PDE10A: variants seen among roughly 807,000 people sequenced by gnomAD.
PDE10A encodes phosphodiesterase 10A.
PDE10A carries 39 observed loss-of-function variants against 97.7 expected under a neutral mutation model. That is an observed-to-expected ratio of 0.40 (90% CI 0.31 to 0.52). The LOEUF is 0.52. Among genes scored for constraint, PDE10A ranks in the 20% least tolerant of loss-of-function variants. The pLI, the probability that PDE10A is intolerant of heterozygous loss-of-function variation, is 0.56. For missense variants in PDE10A, 731 were observed against 1,047.8 expected (o/e 0.70, Z 4.17); for synonymous variants, 371 against 376.8 (o/e 0.98, Z 0.18).
At chr6:165,674,548 G>C (rs1314281827) in intron 1 of PDE10A, among the ~76,000 whole-genome samples, 1 of 152,138 alleles carries the variant, frequency 6.6e-6, no homozygotes, top group Non-Finnish European at 1.5e-5. Flanking sequence ...GCCCGCCAAC[G>C]ACTGGCTCCT....
intron 18 of PDE10A, among the ~76,000 whole-genome samples, chr6:165,344,118 C>T (rs894865321): frequency 2.6e-5 from 4 of 152,168 alleles, no homozygotes; most frequent in African/African-American, 9.7e-5. Context: ...AATGACTTTT[C>T]CCTTTTCAGC....
chr6:165,430,462 T>C, intron 8 of PDE10A, 117 bp from the exon 9 acceptor site: 1 of 601,418 alleles, frequency 1.7e-6, no homozygotes, highest in Non-Finnish European at 2.9e-6. Context: ...TCACTTGGGT[T>C]ATAATGTAAT....
chr6:165,947,877 A>G (rs1783824949), intron 1 of PDE10A, among the ~76,000 whole-genome samples: 1 of 152,070 alleles, frequency 6.6e-6, no homozygotes, highest in South Asian at 2.1e-4. Context: ...CCATCTCACC[A>G]ATTAAGTATG....
intron 1 of PDE10A, among the ~76,000 whole-genome samples, chr6:165,898,037 C>G (rs570841844): frequency 6.6e-6 from 1 of 151,624 alleles, no homozygotes; most frequent in South Asian, 2.1e-4. Flanking sequence ...AGCTGCCTCC[C>G]ACATCGTGGC....
At chr6:165,506,514 G>A (rs2128298296) in intron 2 of PDE10A, among the ~76,000 whole-genome samples, 1 of 152,180 alleles carries the variant, frequency 6.6e-6, no homozygotes, top group Admixed American at 6.5e-5. Context: ...AGTCATATTG[G>A]CTAAATAAGC....
At chr6:165,636,093 T>C (rs971289961) in intron 1 of PDE10A, among the ~76,000 whole-genome samples, 1 of 152,242 alleles carries the variant, frequency 6.6e-6, no homozygotes, top group East Asian at 1.9e-4. Context: ...CATAATTCTA[T>C]CTGTAAACAG....
At position 165,521,856 on chromosome 6, in the gene PDE10A, G is replaced by A. The variant is rs151034005; in HGVS notation, c.994+21584C>T. Among the ~76,000 whole-genome samples, 63 of 152,276 alleles carry A rather than the reference G, an allele frequency of 4.1e-4. 1 individual carries two copies. The highest frequency in any genetic ancestry group is 3.5e-3 in the East Asian group (18 of 5,178). Reference sequence around the variant, plus strand: ...AGATGATCTAGCAAAGATGATTCACGAAGGTAGCTACACCTGGTGCTTTCT... The same window carrying A: ...AGATGATCTAGCAAAGATGATTCACAAAGGTAGCTACACCTGGTGCTTTCT... On this transcript the variant is annotated intron_variant, in intron 2 of 21. Transcript: ENST00000539869.
chr6:165,980,265 G>T (rs1349258836), intron 1 of PDE10A, among the ~76,000 whole-genome samples: 2 of 152,196 alleles, frequency 1.3e-5, no homozygotes, highest in African/African-American at 2.4e-5. Flanking sequence ...ATTACAGCAG[G>T]TATGGACAAA....
intron 20 of PDE10A, 140 bp downstream of exon 20, chr6:165,339,138 A>C: frequency 1.4e-6 from 1 of 699,448 alleles, no homozygotes; most frequent in South Asian, 1.5e-5. Context: ...TGAAGTTTCT[A>C]TATTAATCAC....
At chr6:165,484,873 A>G (rs1378043417) in intron 2 of PDE10A, among the ~76,000 whole-genome samples, 1 of 152,026 alleles carries the variant, frequency 6.6e-6, no homozygotes, top group Non-Finnish European at 1.5e-5. Flanking sequence ...CACTTGTCTC[A>G]GTCACAGTTT....
chr6:165,670,835 A>AATGT (rs1486557528), intron 1 of PDE10A, among the ~76,000 whole-genome samples: 1 of 152,196 alleles, frequency 6.6e-6, no homozygotes, highest in Non-Finnish European at 1.5e-5. Flanking sequence ...AATGGATATA[A>AATGT]ATGTATTCAA....
At chr6:165,379,823 C>T (rs893464401) in intron 17 of PDE10A, among the ~76,000 whole-genome samples, 1 of 152,054 alleles carries the variant, frequency 6.6e-6, no homozygotes, top group East Asian at 1.9e-4. Flanking sequence ...TGTAACATAC[C>T]AAAACATGCT....
At chr6:165,629,650 C>T (rs1239004875) in intron 1 of PDE10A, among the ~76,000 whole-genome samples, 2 of 151,866 alleles carry the variant, frequency 1.3e-5, no homozygotes, top group Non-Finnish European at 2.9e-5. Context: ...CTTCCCACCC[C>T]AGCCTCCCGA....
At chr6:165,972,046 G>T (rs1784691255) in intron 1 of PDE10A, among the ~76,000 whole-genome samples, 1 of 152,062 alleles carries the variant, frequency 6.6e-6, no homozygotes, top group Admixed American at 6.5e-5. Flanking sequence ...GGGTGTGAGG[G>T]GGTGAAAGAA....
chr6:165,587,338 T>C (rs1470305575), intron 1 of PDE10A, among the ~76,000 whole-genome samples: 1 of 152,158 alleles, frequency 6.6e-6, no homozygotes, highest in Non-Finnish European at 1.5e-5. Flanking sequence ...GAAAGTTACG[T>C]ACCAAAACCC....
At chr6:165,690,049 G>C in intron 1 of PDE10A, among the ~76,000 whole-genome samples, 1 of 152,046 alleles carries the variant, frequency 6.6e-6, no homozygotes, top group Non-Finnish European at 1.5e-5. Context: ...GTTAACTATA[G>C]AATATCGAGT....
rs146410433 is a variant in PDE10A at position 165,393,990 on chromosome 6, G to T, written c.2303+1191C>A. 4.6e-3 allele frequency among the ~76,000 whole-genome samples: 699 copies of T among 152,118 alleles called. 4 individuals carry two copies. The highest frequency in any genetic ancestry group is 0.016 in the African/African-American group (660 of 41,502). On this transcript the variant is annotated intron_variant, in intron 15 of 21. Transcript: ENST00000539869. Reference sequence around the variant, plus strand: ...TGAATAAGAAGACATGTTTCTTTTCGATCTATTCTAATAGATATATGATGT... The same window carrying T: ...TGAATAAGAAGACATGTTTCTTTTCTATCTATTCTAATAGATATATGATGT...
intron 1 of PDE10A, chr6:165,894,462 A>G: frequency 4.4e-6 from 2 of 456,028 alleles, no homozygotes; most frequent in Non-Finnish European, 8.8e-6. Flanking sequence ...TCAATTGAAC[A>G]AGTGGTGGAG....
chr6:165,587,759 T>C (rs1210323767), intron 1 of PDE10A, among the ~76,000 whole-genome samples: 1 of 152,200 alleles, frequency 6.6e-6, no homozygotes, highest in Non-Finnish European at 1.5e-5. Flanking sequence ...CACATAATTT[T>C]CATATGTCTT....
Sources: gnomAD v4.1 joint callset for allele counts (sites outside exome capture counted in the v4.1 genomes callset) on GRCh38, gnomAD v4.1.1 for gene constraint, MANE v1.5 for transcripts, NCBI Gene and HGNC (gene_info 2026-07-23, HGNC 2026-07-21) for gene names.